Variants in MAP2K6 observed in about 807,000 individuals in gnomAD.
MAP2K6 encodes dual specificity mitogen-activated protein kinase kinase 6.
Under a neutral mutation model 53.7 loss-of-function variants are expected in MAP2K6, and 16 were observed. The observed-to-expected ratio is 0.30, with a 90% confidence interval of 0.20 to 0.45. The LOEUF (loss-of-function observed/expected upper bound fraction) is 0.45. MAP2K6 is among the 20% of genes least tolerant of loss of function. The pLI is 1.00. For synonymous variants in MAP2K6, 132 were observed against 143.1 expected, an observed-to-expected ratio of 0.92 and a Z score of 0.55; for missense variants, 204 against 411.9, an observed-to-expected ratio of 0.50 and a Z score of 4.37.
intron 1 of MAP2K6, among the ~76,000 whole-genome samples, chr17:69,432,780 G>A (rs944440877): frequency 6.1e-5 from 9 of 148,310 alleles, no homozygotes; most frequent in Non-Finnish European, 8.9e-5. Context: ...AAACCTGCAC[G>A]TTCTGCACAT....
intron 11 of MAP2K6, among the ~76,000 whole-genome samples, chr17:69,538,720 G>C (rs1911477015): frequency 6.6e-6 from 1 of 152,210 alleles, no homozygotes. Context: ...ATTGAAGGGT[G>C]TGTATTCTTT....
chr17:69,424,192 A>T (rs923387635), intron 1 of MAP2K6, among the ~76,000 whole-genome samples: 2 of 152,166 alleles, frequency 1.3e-5, no homozygotes, highest in Non-Finnish European at 1.5e-5. Context: ...AGTCGCTTAC[A>T]TCGTGGATAT....
intron 8 of MAP2K6, among the ~76,000 whole-genome samples, chr17:69,524,023 G>A (rs765326707): frequency 7.9e-5 from 12 of 152,022 alleles, no homozygotes; most frequent in Non-Finnish European, 1.5e-4. Context: ...TGAAAGGGGC[G>A]AGGGATCTCT....
chr17:69,517,636 T>A (rs570388543), intron 4 of MAP2K6, 23 bp downstream of exon 4: 1 of 1,540,946 alleles, frequency 6.5e-7, no homozygotes, highest in East Asian at 2.3e-5. Flanking sequence ...TTCTCCCAAA[T>A]GTTTTATATC....
rs980352390 is a variant in MAP2K6 at position 69,543,832 on chromosome 17, A to G, written c.*2079A>G. 6.6e-6 allele frequency: 1 copy of G among 152,166 alleles called. No homozygotes were observed. The highest frequency in any genetic ancestry group is 1.5e-5 in the Non-Finnish European group (1 of 68,030). 9.4% of individuals were successfully genotyped at this position (152,166 alleles called of 1,614,324 possible). A position where few individuals can be genotyped will look rare whatever the true frequency, so the allele number is the denominator to read the frequency against. ...CATATGTATGCCTCTCCCATCTGTG[A>G]ACCTAGGCCAAAGTTGCAAAAACAA... On this transcript the variant is annotated 3_prime_UTR_variant, in exon 12 of 12. Coordinates refer to ENST00000590474, the MANE Select transcript of MAP2K6 (RefSeq NM_002758.4).
At chr17:69,425,508 T>G (rs1481701056) in intron 1 of MAP2K6, among the ~76,000 whole-genome samples, 2 of 152,096 alleles carry the variant, frequency 1.3e-5, no homozygotes, top group Non-Finnish European at 2.9e-5. Flanking sequence ...AGATGGGGCT[T>G]CACTGTGTTG....
chr17:69,477,968 G>A (rs1598281127), intron 1 of MAP2K6, among the ~76,000 whole-genome samples: 1 of 152,202 alleles, frequency 6.6e-6, no homozygotes, highest in Non-Finnish European at 1.5e-5. Context: ...TAAACAGAGA[G>A]TGGTGTGCAT....
intron 7 of MAP2K6, among the ~76,000 whole-genome samples, chr17:69,523,109 G>A (rs1910567287): frequency 6.6e-6 from 1 of 152,046 alleles, no homozygotes; most frequent in African/African-American, 2.4e-5. Context: ...GGTCATATTT[G>A]GTGTATCATT....
intron 9 of MAP2K6, 63 bp downstream of exon 9, chr17:69,525,041 CG>C: frequency 7.0e-7 from 1 of 1,424,114 alleles, no homozygotes; most frequent in Middle Eastern, 1.8e-4. Context: ...ATGAGGTGGA[CG>C]TTGGGTTCAA....
chr17:69,509,748 C>T (rs1247558599), intron 2 of MAP2K6, among the ~76,000 whole-genome samples: 4 of 151,976 alleles, frequency 2.6e-5, no homozygotes, highest in African/African-American at 7.3e-5. Flanking sequence ...AAGTATGAAG[C>T]GAACTGTAGG....
rs866842209 is a variant in MAP2K6, at chr17:69,427,870, T to C, written c.16+12870T>C. ...AATGCAGATTTAATTCTGAAATTGG[T>C]TTAAGAATGGGATTGAGAAATTTTG... On this transcript the variant is annotated intron_variant, in intron 1 of 11. Coordinates refer to ENST00000590474, the MANE Select transcript of MAP2K6 (RefSeq NM_002758.4). Among the ~76,000 whole-genome samples, 5 of 152,360 alleles carry C rather than the reference T, an allele frequency of 3.3e-5. No homozygotes were observed. In the South Asian group the frequency reaches 6.2e-4, roughly 19 times the overall value.
At chr17:69,524,770 C>T (rs1910675061) in intron 8 of MAP2K6, 131 bp from the exon 9 acceptor site, 3 of 575,404 alleles carry the variant, frequency 5.2e-6, no homozygotes, top group Middle Eastern at 4.5e-4. Context: ...TCTTCTTGGC[C>T]TTGGTGGCAT....
intron 11 of MAP2K6, among the ~76,000 whole-genome samples, chr17:69,537,936 G>C (rs896831998): frequency 5.9e-5 from 9 of 152,218 alleles, no homozygotes; most frequent in Non-Finnish European, 8.8e-5. Context: ...CACCCGCTAG[G>C]CCATTTTAAA....
At chr17:69,445,729 A>G (rs970575729) in intron 1 of MAP2K6, among the ~76,000 whole-genome samples, 1 of 152,154 alleles carries the variant, frequency 6.6e-6, no homozygotes, top group Non-Finnish European at 1.5e-5. Flanking sequence ...TTGTTTCTAA[A>G]GCCTGCGTCA....
intron 1 of MAP2K6, chr17:69,434,084 T>C (rs1906561586): frequency 6.6e-6 from 1 of 152,196 alleles, no homozygotes; most frequent in South Asian, 2.1e-4. Flanking sequence ...TATTCTGAGC[T>C]CAGAATGGAA....
chr17:69,499,655 A>G (rs548923716), intron 1 of MAP2K6, among the ~76,000 whole-genome samples: 1 of 152,350 alleles, frequency 6.6e-6, no homozygotes, highest in South Asian at 2.1e-4. Context: ...AATATTTATG[A>G]TGTGCAGGTG....
chr17:69,486,665 G>A (rs1355151803), intron 1 of MAP2K6, among the ~76,000 whole-genome samples: 1 of 152,116 alleles, frequency 6.6e-6, no homozygotes, highest in African/African-American at 2.4e-5. Context: ...AATAAGGATC[G>A]CAGACACAAC....
intron 1 of MAP2K6, among the ~76,000 whole-genome samples, chr17:69,472,316 TG>T (rs1380152388): frequency 6.6e-6 from 1 of 152,172 alleles, no homozygotes; most frequent in Non-Finnish European, 1.5e-5. Flanking sequence ...CAAATAAATA[TG>T]CATCGTTATA....
Position 69,550,052 on chromosome 17 carries a change from C to T in MAP2K6, c.*8299C>T, listed in dbSNP as rs1400926236. The T allele has an allele frequency of 1.3e-5, 2 of 151,770 alleles. No individual in the cohort carries two copies. The highest frequency in any genetic ancestry group is 2.9e-5 in the Non-Finnish European group (2 of 67,948). 9.4% of individuals were successfully genotyped at this position (151,770 alleles called of 1,614,324 possible). ...TAGAGATGATTTCCTATGGGAAAAC[C>T]CATCAAAAAGCCAAACCTTTATTGT... On this transcript the variant is annotated 3_prime_UTR_variant, in exon 12 of 12. Transcript: ENST00000590474.
Sources: gnomAD v4.1 joint callset for allele counts (sites outside exome capture counted in the v4.1 genomes callset) on GRCh38, gnomAD v4.1.1 for gene constraint, MANE v1.5 for transcripts, NCBI Gene and HGNC (gene_info 2026-07-23, HGNC 2026-07-21) for gene names.